The following WDR53 variants were observed in gnomAD, a reference collection of about 807,000 sequenced individuals.
The protein encoded by WDR53 is WD repeat domain 53.
WDR53 carries 19 observed loss-of-function variants against 21.3 expected under a neutral mutation model. The observed-to-expected ratio is 0.89, with a 90% CI of 0.62 to 1.31. WDR53 has a LOEUF of 1.31. Among genes scored for constraint, WDR53 ranks in the 50% most tolerant of loss-of-function variants. The probability of loss-of-function intolerance (pLI) is 0.00; values close to 1 mark genes in which losing one functional copy is unlikely to be tolerated. For missense variants in WDR53, 374 were observed against 423.2 expected, an observed-to-expected ratio of 0.88 and a Z score of 1.02; for synonymous variants, 157 against 163.4, an observed-to-expected ratio of 0.96 and a Z score of 0.30.
Position 196,566,451 on chromosome 3 carries a change from T to C in WDR53, c.-17+426A>G, listed in dbSNP as rs1047488465. Among the ~76,000 whole-genome samples, 9 of 150,966 alleles carry C rather than the reference T, an allele frequency of 6.0e-5. 1 individual carries two copies. The highest frequency in any genetic ancestry group is 5.3e-4 in the Admixed American group (8 of 15,088). The stretch of plus-strand genomic sequence containing the variant: ...TTTTTGAGACAGAGTTTCGCTCTCG[T>C]CGCCCAGGCTGGAGTGCAATGGTGC... On this transcript the variant is annotated intron_variant, in intron 2 of 3. Coordinates refer to ENST00000332629, the MANE Select transcript of WDR53 (RefSeq NM_182627.3).
intron 2 of WDR53, among the ~76,000 whole-genome samples, chr3:196,565,261 T>C (rs1449315929): frequency 2.6e-5 from 3 of 113,866 alleles, no homozygotes; most frequent in African/African-American, 1.1e-4. Context: ...ACTGGGAATG[T>C]TAAAAAAAAA....
At chr3:196,555,028 A>C (rs1026205672) in intron 3 of WDR53, among the ~76,000 whole-genome samples, 1 of 152,236 alleles carries the variant, frequency 6.6e-6, no homozygotes, top group Non-Finnish European at 1.5e-5. Context: ...ATTAAACAAG[A>C]TCCTGAATAA....
At position 196,561,330 on chromosome 3, in the gene WDR53, T is replaced by C; in HGVS notation, c.146A>G (p.Gln49Arg). The C allele has an allele frequency of 6.2e-7, 1 of 1,614,140 alleles. No individual in the cohort carries two copies. Among genetic ancestry groups the C allele is most frequent in the Non-Finnish European group, 8.5e-7 (1 of 1,180,018 alleles). ...DGTPLGHTRF[Q>R]GADDVTSVLF... ...GACACTGGTAACATCATCAGCCCCT[T>C]GGAACCGCGTGTGTCCTAATGGAGT... Residue 49 changes from glutamine to arginine, a missense_variant, in exon 3 of 4, where the codon CAA becomes CGA. Gln to Arg is a conservative substitution (Grantham distance 43, BLOSUM62 1). Coordinates refer to ENST00000332629, the MANE Select transcript of WDR53 (RefSeq NM_182627.3).
chr3:196,560,240 C>T (rs1560303412), intron 3 of WDR53, among the ~76,000 whole-genome samples: 1 of 121,472 alleles, frequency 8.2e-6, no homozygotes, highest in African/African-American at 3.3e-5. Context: ...ATGCTCCTTT[C>T]TTTTTTCTTT....
intron 1 of WDR53, 77 bp from the exon 2 acceptor site, chr3:196,567,384 TCAAA>T: frequency 5.4e-6 from 2 of 371,594 alleles, no homozygotes; most frequent in Non-Finnish European, 1.1e-5. Flanking sequence ...CAAATAATAA[TCAAA>T]CACCATGAAT....
intron 2 of WDR53, among the ~76,000 whole-genome samples, chr3:196,563,201 T>C (rs188194503): frequency 1.8e-4 from 27 of 152,312 alleles, no homozygotes; most frequent in Non-Finnish European, 2.6e-4. Flanking sequence ...TGTTTAATCA[T>C]ATTATCATCT....
chr3:196,560,926 G>A (rs1228694414), intron 3 of WDR53, 70 bp downstream of exon 3: 3 of 1,529,946 alleles, frequency 2.0e-6, no homozygotes, highest in Non-Finnish European at 2.6e-6. Flanking sequence ...TATTTCGTGT[G>A]ATCAATAATT....
chr3:196,554,762 T>G lies in WDR53; in HGVS notation c.526A>C (p.Asn176His). 1 of 1,614,102 alleles carries G rather than the reference T, an allele frequency of 6.2e-7. No individual in the cohort carries two copies. Among genetic ancestry groups the G allele is most frequent in the Non-Finnish European group, 8.5e-7 (1 of 1,180,018 alleles). The change falls in exon 4 of 4, where the codon AAT becomes CAT. Residue 176 changes from asparagine to histidine, a missense_variant. Coordinates refer to ENST00000332629, the MANE Select transcript of WDR53 (RefSeq NM_182627.3). ...LQKARPLWIT[N>H]LQEDETEEME... ...TCTTCTGTTTCATCCTCCTGTAAATTTGTAATCCAGAGTGGTCGGGCTTTT... is the reference window on the plus strand; with the variant it reads ...TCTTCTGTTTCATCCTCCTGTAAATGTGTAATCCAGAGTGGTCGGGCTTTT...
At position 196,567,039 on chromosome 3, in the gene WDR53, T is replaced by TAA. The variant is rs1735469991; in HGVS notation, c.-181_-180dup. On this transcript the variant is annotated 5_prime_UTR_variant, in exon 2 of 4. The change creates a premature stop within an existing upstream ORF in the 5' untranslated region. Transcript: ENST00000332629. ...CAGTCTTTAAAAACTGAGTGATCTCTAAACACTCTGCACTAGTCATACCAC... is the reference window on the plus strand; with the variant it reads ...CAGTCTTTAAAAACTGAGTGATCTCTAAAAACACTCTGCACTAGTCATACCAC... The TAA allele has an allele frequency of 2.6e-6, 1 of 388,274 alleles. No homozygotes were observed. The highest frequency in any genetic ancestry group is 5.2e-6 in the Non-Finnish European group (1 of 193,850). 24.1% of individuals were successfully genotyped at this position (388,274 alleles called of 1,614,324 possible).
chr3:196,554,892 C>T (rs1388945550), intron 3 of WDR53, 85 bp from the exon 4 acceptor site: 10 of 1,147,344 alleles, frequency 8.7e-6, no homozygotes, highest in African/African-American at 3.1e-5. Flanking sequence ...CTAATAAAAT[C>T]GTTAAAGTAG....
At chr3:196,558,556 T>C (rs1332713347) in intron 3 of WDR53, among the ~76,000 whole-genome samples, 1 of 152,188 alleles carries the variant, frequency 6.6e-6, no homozygotes, top group Admixed American at 6.5e-5. Context: ...TCAAAAGACA[T>C]AACTTTATAA....
intron 2 of WDR53, among the ~76,000 whole-genome samples, chr3:196,565,129 G>T (rs1252422559): frequency 1.3e-5 from 2 of 152,046 alleles, no homozygotes; most frequent in African/African-American, 4.8e-5. Flanking sequence ...TGTTCTATTA[G>T]TCTCACAAGA....
chr3:196,558,916 A>C (rs1396014718), intron 3 of WDR53, among the ~76,000 whole-genome samples: 3 of 152,250 alleles, frequency 2.0e-5, no homozygotes, highest in African/African-American at 7.2e-5. Context: ...AGGCAAATCA[A>C]AATAAGAAAT....
chr3:196,561,094 C>T lies in WDR53; in HGVS notation c.382G>A (p.Val128Ile). The T allele has an allele frequency of 6.2e-7, 1 of 1,614,256 alleles. No homozygotes were observed. Among genetic ancestry groups the T allele is most frequent in the Non-Finnish European group, 8.5e-7 (1 of 1,180,050 alleles). ...IKILDLENKK[V>I]IRSLKRHSNI... ...GAATGTCTCTTCAAGGATCTGATAA[C>T]TTTCTTGTTTTCCAAGTCTAGGATT... Residue 128 changes from valine to isoleucine, a missense_variant, in exon 3 of 4, where the codon GTT becomes ATT. Physicochemically the swap from Val to Ile is conservative, Grantham distance 29. Transcript: ENST00000332629.
chr3:196,556,538 C>T (rs1734332797), intron 3 of WDR53, among the ~76,000 whole-genome samples: 1 of 151,782 alleles, frequency 6.6e-6, no homozygotes, highest in Admixed American at 6.6e-5. Flanking sequence ...CGCCTGTAGT[C>T]CCAGCTACTC....
intron 2 of WDR53, among the ~76,000 whole-genome samples, chr3:196,562,884 G>A (rs1735012846): frequency 6.6e-6 from 1 of 152,174 alleles, no homozygotes; most frequent in African/African-American, 2.4e-5. Flanking sequence ...CCAGGCTGCA[G>A]TGCAGTGGCA....
At chr3:196,565,861 T>C (rs1383101879) in intron 2 of WDR53, among the ~76,000 whole-genome samples, 1 of 152,228 alleles carries the variant, frequency 6.6e-6, no homozygotes, top group Admixed American at 6.5e-5. Context: ...CACTGTTTCT[T>C]GCTTTTCTAT....
intron 1 of WDR53, 157 bp downstream of exon 1, chr3:196,568,362 T>C (rs1577589762): frequency 6.6e-6 from 1 of 152,612 alleles, no homozygotes; most frequent in East Asian, 1.9e-4. Context: ...AGCTGGAGTC[T>C]GAAGCAAGGA....
At chr3:196,558,320 C>T (rs1462761178) in intron 3 of WDR53, among the ~76,000 whole-genome samples, 1 of 152,086 alleles carries the variant, frequency 6.6e-6, no homozygotes, top group African/African-American at 2.4e-5. Flanking sequence ...GATCCTCCCA[C>T]GTCAACTTCC....
Sources: allele counts gnomAD v4.1 joint callset (sites outside exome capture counted in the v4.1 genomes callset), GRCh38; gene constraint gnomAD v4.1.1; transcripts MANE v1.5; gene names NCBI Gene and HGNC (gene_info 2026-07-23, HGNC 2026-07-21).